The following VPS53 variants were observed in gnomAD, a reference collection of about 807,000 sequenced individuals.
VPS53 encodes the protein vacuolar protein sorting-associated protein 53 homolog.
Under a neutral mutation model 107.0 loss-of-function variants are expected in VPS53, and 70 were observed. That is an observed-to-expected ratio of 0.65 (90% CI 0.54 to 0.80). The LOEUF (loss-of-function observed/expected upper bound fraction) is 0.80, where lower values mean the gene tolerates loss of function less well. VPS53 is among the 30% of genes least tolerant of loss of function. The probability of loss-of-function intolerance (pLI) is 0.00; values close to 1 mark genes in which losing one functional copy is unlikely to be tolerated. For synonymous variants in VPS53, 409 were observed against 393.3 expected (o/e 1.04, Z -0.47); for missense variants, 917 against 1,049.4 (o/e 0.87, Z 1.74).
intron 4 of VPS53, among the ~76,000 whole-genome samples, chr17:679,050 A>G (rs1972283792): frequency 6.6e-6 from 1 of 152,224 alleles, no homozygotes; most frequent in Admixed American, 6.5e-5. Flanking sequence ...GAGCATAAAG[A>G]CAACAGAGAT....
chr17:586,481 A>G, intron 12 of VPS53, 117 bp from the exon 13 acceptor site: 1 of 942,732 alleles, frequency 1.1e-6, no homozygotes, highest in South Asian at 1.6e-5. Context: ...GAGAGTACTC[A>G]ATGTAACCCA....
chr17:669,900 A>AAAG (rs982928010), intron 4 of VPS53, among the ~76,000 whole-genome samples: 6 of 151,914 alleles, frequency 3.9e-5, no homozygotes, highest in Non-Finnish European at 8.8e-5. Flanking sequence ...AAAAAAAAAA[A>AAAG]AAGAAGAAAA....
chr17:537,221 C>T (rs751420423), intron 17 of VPS53, 45 bp from the exon 18 acceptor site: 23 of 1,600,940 alleles, frequency 1.4e-5, no homozygotes, highest in East Asian at 4.5e-5. Context: ...CGCAGGAGAA[C>T]GGTGTCGCCT....
In VPS53 at chr17:711,101, G is replaced by A. The variant is rs200813674; in HGVS notation, c.88-488C>T. Among the ~76,000 whole-genome samples the A allele has an allele frequency of 2.2e-4, 33 of 152,202 alleles. No homozygotes were observed. The East Asian group carries it at 5.0e-3, about 23-fold the overall frequency. The stretch of plus-strand genomic sequence containing the variant: ...ACATGCCTGTCATAGTCCCAGCTAC[G>A]TGGGAGGCTGAGATGGGAGGATCAC... On this transcript the variant is annotated intron_variant, in intron 1 of 21. Coordinates refer to ENST00000437048, the MANE Select transcript of VPS53 (RefSeq NM_001128159.3).
At position 524,736 on chromosome 17, in the gene VPS53, A is replaced by G. The variant is rs1909004164; in HGVS notation, c.2086-2998T>C. Among the ~76,000 whole-genome samples, 1 of 152,244 alleles carries G rather than the reference A, an allele frequency of 6.6e-6. No homozygotes were observed. The highest frequency in any genetic ancestry group is 2.1e-4 in the South Asian group (1 of 4,830). On this transcript the variant is annotated intron_variant, in intron 19 of 21. Transcript: ENST00000437048. The surrounding 1 kb of genome is among the most constrained non-coding windows in gnomAD (Gnocchi z 4.5). ...GATTATTTGATAATCAAGTGTGGGC[A>G]CGGCCATGGCACTGAAATTCACAAA...
At chr17:621,577 A>AT (rs1208551813) in intron 11 of VPS53, among the ~76,000 whole-genome samples, 1 of 151,900 alleles carries the variant, frequency 6.6e-6, no homozygotes, top group African/African-American at 2.4e-5. Context: ...TAGTCTTGTA[A>AT]TTTTTTTCTG....
At chr17:663,400 C>A (rs1057384110) in intron 4 of VPS53, among the ~76,000 whole-genome samples, 1 of 152,182 alleles carries the variant, frequency 6.6e-6, no homozygotes, top group African/African-American at 2.4e-5. Context: ...GTGTACAGAC[C>A]AAATGCACTG....
chr17:521,744 G>A lies in VPS53; in HGVS notation c.2086-6C>T, dbSNP rs1304993244. The A allele has an allele frequency of 4.6e-6, 7 of 1,537,542 alleles. No individual in the cohort carries two copies. Among genetic ancestry groups the A allele is most frequent in the Non-Finnish European group, 6.2e-6 (7 of 1,137,218 alleles). ...GAGTGGGTGTCCAGCAGCAGCTGTG[G>A]AGCAAAGCAGAGAGCATTACCGGCC... On this transcript the variant is annotated splice_region_variant and splice_polypyrimidine_tract_variant and intron_variant, in intron 19 of 21. Coordinates refer to ENST00000437048, the MANE Select transcript of VPS53 (RefSeq NM_001128159.3).
At chr17:708,080 T>C (rs778855898) in intron 2 of VPS53, among the ~76,000 whole-genome samples, 20 of 152,142 alleles carry the variant, frequency 1.3e-4, no homozygotes, top group Non-Finnish European at 2.6e-4. Flanking sequence ...CTACGGGGCC[T>C]TGTGGGTTTT....
At chr17:601,184 C>T (rs1478853869) in intron 12 of VPS53, 1 of 152,220 alleles carries the variant, frequency 6.6e-6, no homozygotes, top group East Asian at 1.9e-4. Flanking sequence ...ATTGCTCTAA[C>T]CTCCCTTGTC....
chr17:537,496 C>CAGGAGA (rs1910188026), intron 17 of VPS53: 1 of 227,552 alleles, frequency 4.4e-6, no homozygotes, highest in African/African-American at 2.3e-5. Context: ...CTGCCGAGTG[C>CAGGAGA]CCCACAGCAG....
rs1555546421 is a variant in VPS53 at position 520,786 on chromosome 17, TCTTCACCCTCACCTACATGAGCTG to T, written c.2223+791_2223+814del. Among the ~76,000 whole-genome samples the T allele has an allele frequency of 5.1e-4, 59 of 116,048 alleles. No individual in the cohort carries two copies. Among genetic ancestry groups the T allele is most frequent in the Non-Finnish European group, 8.4e-4 (44 of 52,130 alleles). The allele number at this position is 116,048 out of a possible 152,430, so 76.1% of individuals were successfully genotyped here. On this transcript the variant is annotated intron_variant, in intron 20 of 21. Transcript: ENST00000437048. This position sits in a 1 kb window ranked among gnomAD's most constrained non-coding sequence, Gnocchi z 4.4. Reference sequence around the variant, plus strand: ...CAGCTTCACCCTCACCTACATGAGCTCTTCACCCTCACCTACATGAGCTGCTTCACCCTCACCTACATGAGCTGC... The same window carrying T: ...CAGCTTCACCCTCACCTACATGAGCTCTTCACCCTCACCTACATGAGCTGC...
chr17:532,359 C>T (rs973948605), intron 19 of VPS53: 2 of 154,264 alleles, frequency 1.3e-5, no homozygotes, highest in African/African-American at 4.8e-5. Context: ...ACTGCAACCT[C>T]CACCTCCCGG....
intron 12 of VPS53, among the ~76,000 whole-genome samples, chr17:590,809 T>C (rs1967605970): frequency 1.3e-5 from 2 of 148,466 alleles, no homozygotes; most frequent in Admixed American, 6.8e-5. Flanking sequence ...TTTGCATCAA[T>C]GTTCATCAAG....
intron 10 of VPS53, 134 bp from the exon 11 acceptor site, chr17:623,808 A>T: frequency 3.2e-6 from 3 of 941,850 alleles, no homozygotes; most frequent in Non-Finnish European, 4.4e-6. Context: ...GTCTGTTACC[A>T]CCTTAGTCTA....
chr17:675,255 GT>G (rs1196113273), intron 4 of VPS53: 1 of 152,178 alleles, frequency 6.6e-6, no homozygotes, highest in African/African-American at 2.4e-5. Context: ...TGAAAAAAAA[GT>G]TTAAATTTCT....
chr17:535,158 G>A (rs374427330), intron 18 of VPS53, among the ~76,000 whole-genome samples: 34 of 152,158 alleles, frequency 2.2e-4, no homozygotes, highest in African/African-American at 8.0e-4. Context: ...AGCAGGATGA[G>A]AAGGCACCAT....
At chr17:571,349 C>T (rs183832106) in intron 13 of VPS53, among the ~76,000 whole-genome samples, 101 of 152,204 alleles carry the variant, frequency 6.6e-4, no homozygotes, top group African/African-American at 2.3e-3. Context: ...CTGTGCATTA[C>T]GTGTGTGGGG....
At chr17:583,121 C>T (rs748240218) in intron 13 of VPS53, among the ~76,000 whole-genome samples, 7 of 151,834 alleles carry the variant, frequency 4.6e-5, no homozygotes, top group Non-Finnish European at 8.8e-5. Flanking sequence ...CCCTCAGGAC[C>T]TCAATGCGTT....
Sources: gnomAD v4.1 joint callset for allele counts (sites outside exome capture counted in the v4.1 genomes callset) on GRCh38, gnomAD v4.1.1 for gene constraint, Gnocchi (gnomAD v3.1) non-coding constraint, MANE v1.5 for transcripts, NCBI Gene and HGNC (gene_info 2026-07-23, HGNC 2026-07-21) for gene names.